Variants in PTPRN2 observed in about 807,000 individuals in gnomAD.
PTPRN2 encodes receptor-type tyrosine-protein phosphatase N2.
In PTPRN2, 74 loss-of-function variants were observed where a neutral mutation model predicts 118.8. The observed-to-expected ratio is 0.62, with a 90% CI of 0.52 to 0.76. The LOEUF (loss-of-function observed/expected upper bound fraction) is 0.76, where lower values mean the gene tolerates loss of function less well. Ranked by LOEUF, PTPRN2 falls within the 30% of genes least tolerant of loss-of-function variation. The pLI, the probability that PTPRN2 is intolerant of heterozygous loss-of-function variation, is 0.00. For synonymous variants in PTPRN2, 641 were observed against 608.0 expected, an observed-to-expected ratio of 1.05 and a Z score of -0.80; for missense variants, 1,481 against 1,394.4, an observed-to-expected ratio of 1.06 and a Z score of -0.99.
At chr7:157,652,392 GAGA>G (rs1310223965) in intron 14 of PTPRN2, among the ~76,000 whole-genome samples, 3 of 152,230 alleles carry the variant, frequency 2.0e-5, no homozygotes, top group African/African-American at 2.4e-5. Context: ...TCTCACAGGG[GAGA>G]AGAAGGTTGG....
intron 9 of PTPRN2, among the ~76,000 whole-genome samples, chr7:158,115,662 A>G (rs1389729841): frequency 6.6e-6 from 1 of 152,076 alleles, no homozygotes; most frequent in Non-Finnish European, 1.5e-5. Context: ...GCCTCCACCA[A>G]GAACCCAAAA....
At chr7:158,260,025 A>G (rs1200744520) in intron 3 of PTPRN2, among the ~76,000 whole-genome samples, 1 of 148,694 alleles carries the variant, frequency 6.7e-6, no homozygotes, top group Non-Finnish European at 1.5e-5. Context: ...CCTGGTGTAC[A>G]TGTATGTGCG....
At chr7:157,649,918 G>A (rs1173356543) in intron 14 of PTPRN2, among the ~76,000 whole-genome samples, 8 of 79,394 alleles carry the variant, frequency 1.0e-4, no homozygotes, top group Non-Finnish European at 1.3e-4. Context: ...CACTGAACTC[G>A]GTGGGTCGGA....
intron 10 of PTPRN2, 95 bp downstream of exon 10, chr7:158,110,734 A>T: frequency 8.4e-7 from 1 of 1,185,332 alleles, no homozygotes; most frequent in Non-Finnish European, 1.2e-6. Flanking sequence ...TCATGTAATT[A>T]ACAAGAGCCA....
At chr7:158,387,548 C>G (rs1811545330) in intron 2 of PTPRN2, among the ~76,000 whole-genome samples, 1 of 152,302 alleles carries the variant, frequency 6.6e-6, no homozygotes, top group Non-Finnish European at 1.5e-5. Context: ...GGACTGGACT[C>G]CAGGGGGCTG....
chr7:157,745,851 C>G (rs115832254), intron 12 of PTPRN2, among the ~76,000 whole-genome samples: 1 of 152,264 alleles, frequency 6.6e-6, no homozygotes, highest in African/African-American at 2.4e-5. Flanking sequence ...CATCACAAAG[C>G]TCCTTCTCTG....
At chr7:158,337,545 A>C (rs1388222204) in intron 2 of PTPRN2, among the ~76,000 whole-genome samples, 1 of 141,130 alleles carries the variant, frequency 7.1e-6, no homozygotes, top group Non-Finnish European at 1.6e-5. Context: ...TGCAGACGTC[A>C]TTCACACCCA....
chr7:158,013,733 ATCCACCCACCCG>A (rs1204586047), intron 11 of PTPRN2, among the ~76,000 whole-genome samples: 1 of 7,028 alleles, frequency 1.4e-4, no homozygotes, highest in Admixed American at 1.2e-3. Flanking sequence ...CCACCCACTC[ATCCACCCACCCG>A]CCCATCCATC....
At chr7:158,140,073 A>C (rs1201137762) in intron 6 of PTPRN2, among the ~76,000 whole-genome samples, 1 of 152,218 alleles carries the variant, frequency 6.6e-6, no homozygotes, top group Non-Finnish European at 1.5e-5. Flanking sequence ...TTACATAAAC[A>C]AGAAAGACCG....
chr7:157,912,059 C>G (rs1023070236), intron 11 of PTPRN2, among the ~76,000 whole-genome samples: 1 of 152,218 alleles, frequency 6.6e-6, no homozygotes, highest in Non-Finnish European at 1.5e-5. Flanking sequence ...AACCTTCTCA[C>G]ACGTGTCTCC....
chr7:157,899,614 T>C (rs1797326469), intron 11 of PTPRN2, among the ~76,000 whole-genome samples: 1 of 152,146 alleles, frequency 6.6e-6, no homozygotes, highest in Non-Finnish European at 1.5e-5. Context: ...AAAATATCAA[T>C]TACTCTCACC....
Position 158,170,290 on chromosome 7 carries a change from G to A in PTPRN2, c.550-2999C>T, listed in dbSNP as rs550549052. ...GTCTCTGAACACCTGGTCAGCCACC[G>A]TGCTGGGGGGTGGGGATCTGCGTCC... On this transcript the variant is annotated intron_variant, in intron 5 of 22. Coordinates refer to ENST00000389418, the MANE Select transcript of PTPRN2 (RefSeq NM_002847.5). 1.6e-3 allele frequency among the ~76,000 whole-genome samples: 249 copies of A among 152,288 alleles called. 1 individual carries two copies. Among genetic ancestry groups the A allele is most frequent in the South Asian group, 8.7e-3 (42 of 4,822 alleles).
chr7:157,584,909 T>C (rs923680714), intron 17 of PTPRN2, among the ~76,000 whole-genome samples: 1 of 152,184 alleles, frequency 6.6e-6, no homozygotes, highest in Non-Finnish European at 1.5e-5. Context: ...CTTCAGGCTT[T>C]GCGGCTCTGG....
intron 1 of PTPRN2, among the ~76,000 whole-genome samples, chr7:158,577,286 C>A (rs1828385779): frequency 3.4e-5 from 4 of 117,240 alleles, no homozygotes; most frequent in African/African-American, 6.7e-5. Flanking sequence ...GAGGGCTCCC[C>A]ACCCTGCCTG....
At chr7:158,180,334 G>A (rs1310507159) in intron 5 of PTPRN2, among the ~76,000 whole-genome samples, 3 of 152,182 alleles carry the variant, frequency 2.0e-5, no homozygotes, top group Admixed American at 6.5e-5. Context: ...ATTGGTCTAT[G>A]TGCCTACTCT....
rs1803941589 is a variant in PTPRN2 at position 157,785,077 on chromosome 7, G to A, written c.1789-102140C>T. Reference sequence around the variant, plus strand: ...GCCGCTGTTTCATCGCGTCGTCATAGGAGTTGAACAAAGCTGTGTGTGTGT... The same window carrying A: ...GCCGCTGTTTCATCGCGTCGTCATAAGAGTTGAACAAAGCTGTGTGTGTGT... On this transcript the variant is annotated intron_variant, in intron 12 of 22. Coordinates refer to ENST00000389418, the MANE Select transcript of PTPRN2 (RefSeq NM_002847.5). This position sits in a 1 kb window ranked among gnomAD's most constrained non-coding sequence, Gnocchi z 7.3. 1.3e-5 allele frequency among the ~76,000 whole-genome samples: 2 copies of A among 152,222 alleles called. No homozygotes were observed. Among genetic ancestry groups the A allele is most frequent in the Admixed American group, 6.5e-5 (1 of 15,308 alleles).
intron 19 of PTPRN2, among the ~76,000 whole-genome samples, chr7:157,574,680 G>A (rs1049674812): frequency 6.6e-6 from 1 of 152,240 alleles, no homozygotes; most frequent in Non-Finnish European, 1.5e-5. Flanking sequence ...GAGTGAGAAC[G>A]CGTCGTCTAT....
chr7:158,071,704 AGGTGCTCCTGGTGG>A (rs1811796528), intron 11 of PTPRN2, among the ~76,000 whole-genome samples: 12 of 64,380 alleles, frequency 1.9e-4, no homozygotes, highest in Admixed American at 3.7e-4. Context: ...CTTGTGGTGG[AGGTGCTCCTGGTGG>A]TGGAGGTGCT....
intron 3 of PTPRN2, among the ~76,000 whole-genome samples, chr7:158,232,926 T>C (rs1004820964): frequency 9.9e-5 from 15 of 152,138 alleles, no homozygotes; most frequent in Admixed American, 9.8e-4. Context: ...AGAACATACC[T>C]CAAAATAATA....
Sources: allele counts gnomAD v4.1 joint callset (sites outside exome capture counted in the v4.1 genomes callset), GRCh38; gene constraint gnomAD v4.1.1; non-coding constraint Gnocchi (gnomAD v3.1); transcripts MANE v1.5; gene names NCBI Gene and HGNC (gene_info 2026-07-23, HGNC 2026-07-21).